LGSN: variants seen among roughly 807,000 people sequenced by gnomAD.
LGSN encodes lengsin, lens protein with glutamine synthetase domain.
A neutral mutation model predicts 19.5 loss-of-function variants in LGSN; 21 were observed. The ratio of observed to expected loss-of-function variants is 1.07; its 90% CI spans 0.76 to 1.55. The LOEUF (loss-of-function observed/expected upper bound fraction) is 1.55, where lower values mean the gene tolerates loss of function less well. Ranked by LOEUF, LGSN falls within the 40% of genes most tolerant of loss-of-function variation. LGSN has a pLI of 0.00. For synonymous variants in LGSN, 257 were observed against 215.6 expected (o/e 1.19, Z -1.68); for missense variants, 673 against 608.5 (o/e 1.11, Z -1.12).
the LGSN span, among the ~76,000 whole-genome samples, chr6:63,550,660 T>C: frequency 6.6e-6 from 1 of 152,204 alleles, no homozygotes; most frequent in Non-Finnish European, 1.5e-5. Flanking sequence ...GGTCTCCCTC[T>C]GTTGCCCAGG....
chr6:63,470,136 AAAGGAAGG>A, the LGSN span, among the ~76,000 whole-genome samples: 2 of 151,914 alleles, frequency 1.3e-5, no homozygotes, highest in Non-Finnish European at 2.9e-5. Flanking sequence ...AAAAAGAGAG[AAAGGAAGG>A]AAGGAAGGAA....
chr6:63,525,241 T>TA, the LGSN span, among the ~76,000 whole-genome samples: 1 of 152,182 alleles, frequency 6.6e-6, no homozygotes, highest in Non-Finnish European at 1.5e-5. Flanking sequence ...TAGTTATTAG[T>TA]ACTCTTTCAG....
At chr6:63,314,209 T>C (rs1768755347) in intron 1 of LGSN, among the ~76,000 whole-genome samples, 1 of 152,116 alleles carries the variant, frequency 6.6e-6, no homozygotes, top group African/African-American at 2.4e-5. Flanking sequence ...GTCATGAGGC[T>C]ACAGCCTTCA....
upstream of LGSN, among the ~76,000 whole-genome samples, chr6:63,323,343 C>A (rs549814227): frequency 6.6e-6 from 1 of 152,048 alleles, no homozygotes; most frequent in African/African-American, 2.4e-5. Context: ...TAGCCATCAC[C>A]GGAATAGTAT....
chr6:63,295,569 T>C (rs989714593), intron 1 of LGSN, among the ~76,000 whole-genome samples: 3 of 152,198 alleles, frequency 2.0e-5, no homozygotes, highest in African/African-American at 7.2e-5. Context: ...AGTACTTGAA[T>C]TCATAAAGTG....
chr6:63,316,805 G>C (rs1227057743), intron 1 of LGSN, among the ~76,000 whole-genome samples: 1 of 151,784 alleles, frequency 6.6e-6, no homozygotes, highest in Non-Finnish European at 1.5e-5. Flanking sequence ...CTGTAATATA[G>C]TATGAAAAAA....
the LGSN span, among the ~76,000 whole-genome samples, chr6:63,393,727 G>A: frequency 6.6e-6 from 1 of 152,144 alleles, no homozygotes; most frequent in Non-Finnish European, 1.5e-5. Flanking sequence ...TCTCTCAAGA[G>A]GCAGAGCTGT....
At chr6:63,502,594 G>T in the LGSN span, among the ~76,000 whole-genome samples, 4 of 152,206 alleles carry the variant, frequency 2.6e-5, no homozygotes. Flanking sequence ...GATACAGATG[G>T]AATGTGACAA....
At chr6:63,573,050 G>A in the LGSN span, among the ~76,000 whole-genome samples, 9 of 152,202 alleles carry the variant, frequency 5.9e-5, no homozygotes, top group African/African-American at 2.2e-4. Flanking sequence ...CTTCCGCAGC[G>A]GGCCGGGTGG....
At chr6:63,356,680 C>CTGAGGAAT in the LGSN span, among the ~76,000 whole-genome samples, 1 of 152,098 alleles carries the variant, frequency 6.6e-6, no homozygotes, top group Non-Finnish European at 1.5e-5. Context: ...TGAACAGACA[C>CTGAGGAAT]TGAGGAATTG....
chr6:63,475,594 C>T, the LGSN span, among the ~76,000 whole-genome samples: 1 of 152,046 alleles, frequency 6.6e-6, no homozygotes, highest in Non-Finnish European at 1.5e-5. Flanking sequence ...AAGAGGTATT[C>T]GAAATAAGGC....
At chr6:63,346,080 C>T in the LGSN span, among the ~76,000 whole-genome samples, 6 of 152,266 alleles carry the variant, frequency 3.9e-5, no homozygotes, top group East Asian at 1.2e-3. Flanking sequence ...GTTCCTGGCA[C>T]ATAACTCCTA....
At chr6:63,438,441 T>C in the LGSN span, among the ~76,000 whole-genome samples, 1 of 152,160 alleles carries the variant, frequency 6.6e-6, no homozygotes, top group African/African-American at 2.4e-5. Context: ...GAGAAAATTT[T>C]TGCAACCTAC....
the LGSN span, chr6:63,396,695 G>C: frequency 6.5e-6 from 1 of 153,358 alleles, no homozygotes; most frequent in Non-Finnish European, 1.5e-5. Context: ...TCTGCAAAGG[G>C]TGGGAAAGAC....
the LGSN span, among the ~76,000 whole-genome samples, chr6:63,334,952 C>A: frequency 0.12 from 18,356 of 151,548 alleles, 1,541 homozygotes; most frequent in Admixed American, 0.25. Context: ...GCCTGACCAA[C>A]ATGGTGAAAC....
intron 3 of LGSN, among the ~76,000 whole-genome samples, chr6:63,284,268 T>C (rs1212920285): frequency 1.3e-5 from 2 of 152,150 alleles, no homozygotes; most frequent in East Asian, 3.9e-4. Context: ...AGGTGTATAA[T>C]GAGTTACATT....
the LGSN span, among the ~76,000 whole-genome samples, chr6:63,481,113 G>A: frequency 6.6e-6 from 1 of 151,760 alleles, no homozygotes; most frequent in Non-Finnish European, 1.5e-5. Context: ...AAGTAACTCA[G>A]GAGTGAAAAA....
At chr6:63,438,231 G>A in the LGSN span, among the ~76,000 whole-genome samples, 2 of 152,114 alleles carry the variant, frequency 1.3e-5, no homozygotes, top group Non-Finnish European at 2.9e-5. Context: ...TGACCTACAC[G>A]GTGAAACTGT....
the LGSN span, among the ~76,000 whole-genome samples, chr6:63,372,754 G>A: frequency 1.3e-5 from 2 of 151,938 alleles, no homozygotes; most frequent in Non-Finnish European, 2.9e-5. Context: ...CACCATAATT[G>A]TAAAACATGC....
Sources: gnomAD v4.1 joint callset for allele counts (sites outside exome capture counted in the v4.1 genomes callset) on GRCh38, gnomAD v4.1.1 for gene constraint, MANE v1.5 for transcripts, NCBI Gene and HGNC (gene_info 2026-07-23, HGNC 2026-07-21) for gene names.